The following DPYS variants were observed in gnomAD, a reference collection of about 807,000 sequenced individuals.
DPYS encodes the protein dihydropyrimidine amidohydrolase.
In DPYS, 39 loss-of-function variants were observed where a neutral mutation model predicts 50.3. The observed-to-expected ratio is 0.78, with a 90% CI of 0.60 to 1.01. The LOEUF (loss-of-function observed/expected upper bound fraction) is 1.01, where lower values mean the gene tolerates loss of function less well. Among genes scored for constraint, DPYS ranks in the 50% least tolerant of loss-of-function variants. DPYS has a pLI of 0.00. For missense variants in DPYS, 659 were observed against 680.9 expected (o/e 0.97, Z 0.36); for synonymous variants, 245 against 250.7 (o/e 0.98, Z 0.22).
At chr8:104,396,987 C>G (rs1811613459) in intron 7 of DPYS, among the ~76,000 whole-genome samples, 1 of 152,200 alleles carries the variant, frequency 6.6e-6, no homozygotes, top group Admixed American at 6.5e-5. Context: ...TCACCAGCAG[C>G]AAAAGGAATG....
At chr8:104,426,126 AG>A (rs1286534143) in intron 6 of DPYS, among the ~76,000 whole-genome samples, 1 of 152,136 alleles carries the variant, frequency 6.6e-6, no homozygotes. Context: ...GGGTGGAGGA[AG>A]GGGGGTGAGG....
rs151044491 is a variant in DPYS, at chr8:104,412,536, C to T, written c.1235+11711G>A. Among the ~76,000 whole-genome samples the T allele has an allele frequency of 2.0e-3, 298 of 152,226 alleles. 1 individual carries two copies. Among genetic ancestry groups the T allele is most frequent in the African/African-American group, 5.3e-3 (219 of 41,550 alleles). On this transcript the variant is annotated intron_variant, in intron 7 of 9. Transcript: ENST00000351513. ...TCAAGTCACCAAATAGGTGAATATT[C>T]GGCTGTGTCGCCTCAGGGGACTGGA...
chr8:104,416,662 T>C (rs1408753812), intron 7 of DPYS, among the ~76,000 whole-genome samples: 5 of 151,546 alleles, frequency 3.3e-5, no homozygotes, highest in Non-Finnish European at 5.9e-5. Context: ...CATGTGAGTG[T>C]GTGTGTGTGT....
At chr8:104,407,557 A>T (rs1341926611) in intron 7 of DPYS, among the ~76,000 whole-genome samples, 1 of 152,226 alleles carries the variant, frequency 6.6e-6, no homozygotes, top group Non-Finnish European at 1.5e-5. Flanking sequence ...CAACCAAAAA[A>T]TGAATCCATT....
intron 7 of DPYS, among the ~76,000 whole-genome samples, chr8:104,398,858 T>G (rs1811680133): frequency 6.6e-6 from 1 of 152,182 alleles, no homozygotes; most frequent in African/African-American, 2.4e-5. Context: ...TTGCCCAAAG[T>G]GGCTTCTCCT....
intron 3 of DPYS, 45 bp downstream of exon 3, chr8:104,447,279 T>C (rs1281108995): frequency 3.7e-6 from 6 of 1,608,510 alleles, no homozygotes; most frequent in Admixed American, 1.7e-5. Flanking sequence ...CCTTATGTTA[T>C]GGCTGCTGTC....
chr8:104,384,619 A>C (rs903463298), intron 8 of DPYS, among the ~76,000 whole-genome samples: 2 of 152,260 alleles, frequency 1.3e-5, no homozygotes, highest in Non-Finnish European at 2.9e-5. Context: ...AGACCCCAGC[A>C]TATGGCAGAG....
intron 8 of DPYS, among the ~76,000 whole-genome samples, chr8:104,390,655 G>A (rs1200863312): frequency 6.6e-6 from 1 of 151,880 alleles, no homozygotes; most frequent in Non-Finnish European, 1.5e-5. Context: ...GCGCTGCCAC[G>A]CCCAACTAAT....
intron 7 of DPYS, among the ~76,000 whole-genome samples, chr8:104,412,826 G>A (rs2140578007): frequency 6.6e-6 from 1 of 152,270 alleles, no homozygotes. Flanking sequence ...TTACCACCCT[G>A]GTAAAGAATG....
intron 3 of DPYS, among the ~76,000 whole-genome samples, chr8:104,446,608 C>A (rs1813538605): frequency 6.6e-6 from 1 of 152,054 alleles, no homozygotes; most frequent in South Asian, 2.1e-4. Context: ...CAATTTAAAC[C>A]CTGGTCTGTT....
At chr8:104,420,700 C>G (rs377541851) in intron 7 of DPYS, 1 of 91,608 alleles carries the variant, frequency 1.1e-5, no homozygotes, top group African/African-American at 4.0e-5. Context: ...TTCCACTTTT[C>G]AAAAAAAAAA....
At chr8:104,443,916 G>C (rs1813437718) in intron 4 of DPYS, among the ~76,000 whole-genome samples, 1 of 152,066 alleles carries the variant, frequency 6.6e-6, no homozygotes, top group African/African-American at 2.4e-5. Context: ...AAAAACCGGA[G>C]AGCTTTGCAT....
chr8:104,466,855 C>T lies in DPYS; in HGVS notation c.66G>A (p.Val22=), dbSNP rs781745860. 3.6e-5 allele frequency: 55 copies of T among 1,530,308 alleles called. 1 individual carries two copies. The East Asian group carries it at 1.3e-3, about 37-fold the overall frequency. 94.8% of individuals were successfully genotyped at this position (1,530,308 alleles called of 1,614,324 possible). The stretch of plus-strand genomic sequence containing the variant: ...CGCCGTCCTCCACCAGCACGTCGGC[C>T]ACCTCCGAGAAGTCATCGTTGACCA... ...GRVVNDDFSE[V]ADVLVEDGVV... is the part of the protein sequence containing the mutation. The change falls in exon 1 of 10, where the codon GTG becomes GTA. Residue 22 remains valine, a synonymous_variant. Transcript: ENST00000351513.
intron 4 of DPYS, among the ~76,000 whole-genome samples, chr8:104,439,330 G>A (rs1233834141): frequency 1.3e-5 from 2 of 151,986 alleles, no homozygotes; most frequent in Non-Finnish European, 2.9e-5. Flanking sequence ...ATGAGCTGAG[G>A]GAGATAGAAG....
chr8:104,437,394 T>C (rs1212520883), intron 4 of DPYS, among the ~76,000 whole-genome samples: 1 of 152,190 alleles, frequency 6.6e-6, no homozygotes, highest in Non-Finnish European at 1.5e-5. Flanking sequence ...AAATGACAAC[T>C]AGAGTGACCT....
At chr8:104,408,098 T>A (rs1403996378) in intron 7 of DPYS, among the ~76,000 whole-genome samples, 3 of 152,246 alleles carry the variant, frequency 2.0e-5, no homozygotes. Context: ...GATACAGCAG[T>A]GAACAAAGAT....
chr8:104,442,900 A>G (rs763985695), intron 4 of DPYS, among the ~76,000 whole-genome samples: 2 of 152,178 alleles, frequency 1.3e-5, no homozygotes, highest in Non-Finnish European at 2.9e-5. Context: ...TGTCTCTACA[A>G]AAAGTTTAAA....
chr8:104,416,674 T>C (rs943793810), intron 7 of DPYS, among the ~76,000 whole-genome samples: 14 of 152,240 alleles, frequency 9.2e-5, no homozygotes, highest in Non-Finnish European at 1.5e-4. Flanking sequence ...TGTGTGTGTG[T>C]GTGCACGCTT....
chr8:104,385,625 A>G (rs1272776981), intron 8 of DPYS, among the ~76,000 whole-genome samples: 2 of 152,152 alleles, frequency 1.3e-5, no homozygotes, highest in Non-Finnish European at 2.9e-5. Flanking sequence ...CCCCTCTCAA[A>G]CTCATGTTAA....
Sources: allele counts gnomAD v4.1 joint callset (sites outside exome capture counted in the v4.1 genomes callset), GRCh38; gene constraint gnomAD v4.1.1; transcripts MANE v1.5; gene names NCBI Gene and HGNC (gene_info 2026-07-23, HGNC 2026-07-21).